PDGFC: variants seen among roughly 807,000 people sequenced by gnomAD.
The protein encoded by PDGFC is platelet-derived growth factor C.
Under a neutral mutation model 35.5 loss-of-function variants are expected in PDGFC, and 12 were observed. The ratio of observed to expected loss-of-function variants is 0.34; its 90% CI spans 0.22 to 0.55. The LOEUF is 0.55. Among genes scored for constraint, PDGFC ranks in the 20% least tolerant of loss-of-function variants. The pLI is 0.91. For synonymous variants in PDGFC, 159 were observed against 148.8 expected, an observed-to-expected ratio of 1.07 and a Z score of -0.50; for missense variants, 322 against 412.4, an observed-to-expected ratio of 0.78 and a Z score of 1.90.
intron 1 of PDGFC, among the ~76,000 whole-genome samples, chr4:156,913,143 G>A (rs142901433): frequency 4.3e-4 from 65 of 151,966 alleles, no homozygotes; most frequent in African/African-American, 1.4e-3. Flanking sequence ...CATACCCTTC[G>A]CATCAACTAT....
intron 1 of PDGFC, among the ~76,000 whole-genome samples, chr4:156,886,157 A>C (rs2111182994): frequency 6.6e-6 from 1 of 152,318 alleles, no homozygotes; most frequent in African/African-American, 2.4e-5. Context: ...GGGAATAATA[A>C]GAAAAGGAGG....
chr4:156,876,123 A>G (rs1317192137), intron 1 of PDGFC, among the ~76,000 whole-genome samples: 5 of 152,128 alleles, frequency 3.3e-5, no homozygotes, highest in African/African-American at 1.2e-4. Context: ...AAACAAAACA[A>G]AACAATGACC....
chr4:156,944,672 C>T (rs184784221), intron 1 of PDGFC, among the ~76,000 whole-genome samples: 126 of 152,240 alleles, frequency 8.3e-4, no homozygotes, highest in African/African-American at 2.8e-3. Context: ...CAATCCATCT[C>T]AACTCCCAAT....
chr4:156,849,503 G>T (rs1461987726), intron 2 of PDGFC, among the ~76,000 whole-genome samples: 1 of 152,056 alleles, frequency 6.6e-6, no homozygotes, highest in African/African-American at 2.4e-5. Context: ...TGTCATTGAA[G>T]TGAAAAATCT....
intron 1 of PDGFC, among the ~76,000 whole-genome samples, chr4:156,933,619 C>T (rs1325034206): frequency 6.6e-6 from 1 of 152,180 alleles, no homozygotes; most frequent in Non-Finnish European, 1.5e-5. Flanking sequence ...TGACACAAGG[C>T]TATGATGTGC....
intron 1 of PDGFC, among the ~76,000 whole-genome samples, chr4:156,937,859 T>G (rs1397094906): frequency 6.6e-6 from 1 of 152,000 alleles, no homozygotes; most frequent in African/African-American, 2.4e-5. Flanking sequence ...ACTTGATTCA[T>G]GGTGGAAAAA....
chr4:156,763,067 A>C lies in PDGFC; in HGVS notation c.*23T>G. On this transcript the variant is annotated 3_prime_UTR_variant, in exon 6 of 6. Transcript: ENST00000502773. The stretch of plus-strand genomic sequence containing the variant: ...GCCACTGCACTGCACAGCTCTGGGC[A>C]AGAGCTGCTGGTGGTGATGCGGCTA... 4 of 1,200,150 alleles carry C rather than the reference A, an allele frequency of 3.3e-6. No individual in the cohort carries two copies. The highest frequency in any genetic ancestry group is 5.0e-6 in the Non-Finnish European group (4 of 801,938). The allele number at this position is 1,200,150 out of a possible 1,614,324, so 74.3% of individuals were successfully genotyped here.
chr4:156,765,223 A>G (rs982586122), intron 5 of PDGFC, among the ~76,000 whole-genome samples: 3 of 152,208 alleles, frequency 2.0e-5, no homozygotes, highest in African/African-American at 7.2e-5. Flanking sequence ...ACTTTGGTGG[A>G]GAAAAATAGA....
chr4:156,818,727 C>T (rs113459476), intron 2 of PDGFC, among the ~76,000 whole-genome samples: 7,842 of 152,122 alleles, frequency 0.052, 305 homozygotes, highest in Non-Finnish European at 0.082. Flanking sequence ...TGGTCTCGAT[C>T]TCCTGACCTC....
At chr4:156,966,891 A>G (rs1483810775) in intron 1 of PDGFC, among the ~76,000 whole-genome samples, 1 of 152,222 alleles carries the variant, frequency 6.6e-6, no homozygotes, top group Non-Finnish European at 1.5e-5. Flanking sequence ...ATTGATATGG[A>G]AGAAAAATTA....
At chr4:156,769,008 C>A (rs909920600) in intron 4 of PDGFC, among the ~76,000 whole-genome samples, 1 of 151,782 alleles carries the variant, frequency 6.6e-6, no homozygotes, top group Non-Finnish European at 1.5e-5. Context: ...TACATCTCTG[C>A]CTATTTTTTT....
chr4:156,881,080 T>C (rs560173892), intron 1 of PDGFC, among the ~76,000 whole-genome samples: 1 of 152,294 alleles, frequency 6.6e-6, no homozygotes, highest in East Asian at 1.9e-4. Context: ...GAGAAATGTT[T>C]TGTGAAAAGA....
chr4:156,824,230 C>T (rs528320529), intron 2 of PDGFC, among the ~76,000 whole-genome samples: 1 of 146,586 alleles, frequency 6.8e-6, no homozygotes, highest in East Asian at 2.1e-4. Context: ...GCTTTTTGCC[C>T]TTCTTATCTG....
intron 4 of PDGFC, among the ~76,000 whole-genome samples, chr4:156,768,594 T>C (rs1172696882): frequency 6.6e-6 from 1 of 152,008 alleles, no homozygotes; most frequent in Non-Finnish European, 1.5e-5. Flanking sequence ...GAGCAGAAGT[T>C]GTTGGAAGGC....
intron 1 of PDGFC, among the ~76,000 whole-genome samples, chr4:156,950,330 A>C (rs1329788847): frequency 6.6e-6 from 1 of 151,864 alleles, no homozygotes; most frequent in Non-Finnish European, 1.5e-5. Flanking sequence ...AACTAAAATA[A>C]CCTTACTAAA....
chr4:156,833,921 T>C (rs1283024924), intron 2 of PDGFC, among the ~76,000 whole-genome samples: 3 of 152,198 alleles, frequency 2.0e-5, no homozygotes, highest in Non-Finnish European at 4.4e-5. Context: ...TATTGTAGCA[T>C]TTATTACATA....
At chr4:156,859,292 A>G (rs1579060286) in intron 1 of PDGFC, among the ~76,000 whole-genome samples, 1 of 152,182 alleles carries the variant, frequency 6.6e-6, no homozygotes, top group South Asian at 2.1e-4. Flanking sequence ...TCAAAAGTGA[A>G]TGTATATAAT....
chr4:156,842,012 T>C (rs573767063), intron 2 of PDGFC: 36 of 152,280 alleles, frequency 2.4e-4, no homozygotes, highest in African/African-American at 8.4e-4. Flanking sequence ...GATGCAATAT[T>C]GGTGTCTCCT....
intron 1 of PDGFC, among the ~76,000 whole-genome samples, chr4:156,864,994 T>C (rs577639111): frequency 6.6e-6 from 1 of 152,240 alleles, no homozygotes; most frequent in African/African-American, 2.4e-5. Flanking sequence ...CTGTACAATC[T>C]AAAATTATAT....
Sources: allele counts gnomAD v4.1 joint callset (sites outside exome capture counted in the v4.1 genomes callset), GRCh38; gene constraint gnomAD v4.1.1; transcripts MANE v1.5; gene names NCBI Gene and HGNC (gene_info 2026-07-23, HGNC 2026-07-21).